ANGPTL2: variants seen among roughly 807,000 people sequenced by gnomAD.
ANGPTL2 encodes the protein angiopoietin-related protein 2.
In ANGPTL2, 25 loss-of-function variants were observed where a neutral mutation model predicts 52.8. The ratio of observed to expected loss-of-function variants is 0.47; its 90% confidence interval spans 0.35 to 0.66. The LOEUF (loss-of-function observed/expected upper bound fraction) is 0.66. Among genes scored for constraint, ANGPTL2 ranks in the 30% least tolerant of loss-of-function variants. The pLI, the probability that ANGPTL2 is intolerant of heterozygous loss-of-function variation, is 0.01. For missense variants in ANGPTL2, 546 were observed against 656.9 expected (o/e 0.83, Z 1.84); for synonymous variants, 276 against 277.4 (o/e 1.00, Z 0.05).
At chr9:127,111,689 C>T (rs751297127) in intron 1 of ANGPTL2, among the ~76,000 whole-genome samples, 2 of 152,164 alleles carry the variant, frequency 1.3e-5, no homozygotes, top group Non-Finnish European at 2.9e-5. Flanking sequence ...TCCAGTTTCC[C>T]GTGTTCTCAT....
intron 2 of ANGPTL2, among the ~76,000 whole-genome samples, chr9:127,096,871 A>T (rs1424730790): frequency 6.6e-6 from 1 of 152,188 alleles, no homozygotes; most frequent in Non-Finnish European, 1.5e-5. Flanking sequence ...CTAGCCACGT[A>T]TTTCCACAGG....
chr9:127,117,951 G>A (rs1215351900), intron 1 of ANGPTL2, among the ~76,000 whole-genome samples: 1 of 152,224 alleles, frequency 6.6e-6, no homozygotes, highest in East Asian at 1.9e-4. Context: ...GGCAGCAGGG[G>A]GTTGCTGAGG....
In ANGPTL2 at chr9:127,108,792, CAG is replaced by C. The variant is rs1252865970; in HGVS notation, c.-49-14_-49-13del. The C allele has an allele frequency of 4.6e-6, 7 of 1,506,906 alleles. No homozygotes were observed. The Admixed American group carries it at 7.5e-5, about 16-fold the overall frequency. The allele number at this position is 1,506,906 out of a possible 1,614,324, so 93.3% of individuals were successfully genotyped here. A position where few individuals can be genotyped will look rare whatever the true frequency, so the allele number is the denominator to read the frequency against. On this transcript the variant is annotated splice_polypyrimidine_tract_variant and intron_variant, in intron 1 of 4. Coordinates refer to ENST00000373425, the MANE Select transcript of ANGPTL2 (RefSeq NM_012098.3). ...GAATCTATGAAAGCCTGAAAGTAAA[CAG>C]AGGGGAGAATCAGTGATGGTCCCAC...
In ANGPTL2 at chr9:127,089,053, G is replaced by GC; in HGVS notation, c.1367dup (p.His457ProfsTer14). On this transcript the variant is annotated frameshift_variant, in exon 5 of 5. Transcript: ENST00000373425. LOFTEE classifies it high-confidence loss of function. ...CGTCCTGGTAGCGGCTCCGGTAATGGCCCCCGCGGTACCAGACCCCGTTGA... is the reference window on the plus strand; with the variant it reads ...CGTCCTGGTAGCGGCTCCGGTAATGGCCCCCCGCGGTACCAGACCCCGTTGA... 6.2e-7 allele frequency: 1 copy of GC among 1,614,182 alleles called. No homozygotes were observed. Among genetic ancestry groups the GC allele is most frequent in the Non-Finnish European group, 8.5e-7 (1 of 1,180,030 alleles).
Position 127,107,947 on chromosome 9 carries a change from G to T in ANGPTL2, c.785C>A (p.Thr262Asn), listed in dbSNP as rs1387878578. 2.6e-6 allele frequency: 4 copies of T among 1,545,152 alleles called. No individual in the cohort carries two copies. Among genetic ancestry groups the T allele is most frequent in the Non-Finnish European group, 3.5e-6 (4 of 1,140,786 alleles). The change falls in exon 2 of 5, where the codon ACC (threonine) becomes AAC (asparagine). Residue 262 changes from threonine (T) to asparagine (N), a missense_variant. Thr to Asn is a moderately conservative substitution (Grantham distance 65). This residue lies in a region of ANGPTL2 where 261 missense variants were observed against 361.0 expected (regional missense o/e 0.72). Coordinates refer to ENST00000373425, the MANE Select transcript of ANGPTL2 (RefSeq NM_012098.3). ...CTTGTCGGTGGAAGATGGGAGGCTG[G>T]TGAGAGTGGGCATAGTGGGCAGAGG... ...PPPLPTMPTL[T>N]SLPSSTDKPS...
intron 1 of ANGPTL2, among the ~76,000 whole-genome samples, chr9:127,114,858 A>G (rs2055231704): frequency 6.6e-6 from 1 of 152,254 alleles, no homozygotes; most frequent in African/African-American, 2.4e-5. Flanking sequence ...CTGAGCATGA[A>G]TCAAGTTTGT....
intron 2 of ANGPTL2, among the ~76,000 whole-genome samples, chr9:127,098,280 G>C (rs2136690659): frequency 6.6e-6 from 1 of 152,350 alleles, no homozygotes; most frequent in Admixed American, 6.5e-5. Context: ...CTTTGGACCA[G>C]TGCAGAGTAC....
At chr9:127,120,617 A>G (rs1361391960) in intron 1 of ANGPTL2, among the ~76,000 whole-genome samples, 1 of 152,140 alleles carries the variant, frequency 6.6e-6, no homozygotes, top group Non-Finnish European at 1.5e-5. Flanking sequence ...AGGTCAGGAG[A>G]TCGAGACCAT....
At chr9:127,092,720 A>G (rs984446341) in intron 3 of ANGPTL2, among the ~76,000 whole-genome samples, 12 of 152,144 alleles carry the variant, frequency 7.9e-5, no homozygotes, top group Non-Finnish European at 1.8e-4. Context: ...CAGGATTTGA[A>G]CCAAGAACCC....
chr9:127,106,518 C>T (rs2054229563), intron 2 of ANGPTL2, among the ~76,000 whole-genome samples: 1 of 152,184 alleles, frequency 6.6e-6, no homozygotes, highest in South Asian at 2.1e-4. Flanking sequence ...TTTAATCTAT[C>T]CTCAATTAAC....
intron 1 of ANGPTL2, among the ~76,000 whole-genome samples, chr9:127,111,443 A>C (rs2054799157): frequency 6.6e-6 from 1 of 152,204 alleles, no homozygotes; most frequent in African/African-American, 2.4e-5. Flanking sequence ...CCTGAAATAC[A>C]TAGGAGCTCA....
chr9:127,108,824 G>GA, intron 1 of ANGPTL2, 44 bp from the exon 2 acceptor site: 1 of 1,336,098 alleles, frequency 7.5e-7, no homozygotes, highest in Non-Finnish European at 1.0e-6. Flanking sequence ...TCCCACCACT[G>GA]TCAGTGCCCT....
intron 1 of ANGPTL2, among the ~76,000 whole-genome samples, chr9:127,114,495 AC>A (rs1253688237): frequency 6.6e-6 from 1 of 152,224 alleles, no homozygotes; most frequent in Non-Finnish European, 1.5e-5. Context: ...AGGCAGGACG[AC>A]GACAGGAGTG....
At chr9:127,103,271 C>T (rs2053909371) in intron 2 of ANGPTL2, among the ~76,000 whole-genome samples, 1 of 152,214 alleles carries the variant, frequency 6.6e-6, no homozygotes, top group Non-Finnish European at 1.5e-5. Context: ...GGAAAACACT[C>T]TTGTTCAAGT....
Position 127,108,287 on chromosome 9 carries a change from G to C in ANGPTL2, c.445C>G (p.Arg149Gly), listed in dbSNP as rs568583240. ...MQLLHEIIRK[R>G]DNALELSQLE... ...TGGGAGAGCTCCAACGCGTTGTCCC[G>C]CTTGCGGATGATCTCGTGCAGGAGC... Residue 149 changes from arginine to glycine, a missense_variant, in exon 2 of 5, where the codon CGG (arginine) becomes GGG (glycine). Arg to Gly is a moderately radical substitution (Grantham distance 125). Coordinates refer to ENST00000373425, the MANE Select transcript of ANGPTL2 (RefSeq NM_012098.3). 2 of 1,613,968 alleles carry C rather than the reference G, an allele frequency of 1.2e-6. No homozygotes were observed. The highest frequency in any genetic ancestry group is 1.7e-6 in the Non-Finnish European group (2 of 1,179,960).
rs139799724 is a variant in ANGPTL2, at chr9:127,108,418, G to A, written c.314C>T (p.Thr105Met). The A allele has an allele frequency of 1.1e-4, 173 of 1,607,948 alleles. No individual in the cohort carries two copies. Among genetic ancestry groups the A allele is most frequent in the Non-Finnish European group, 1.3e-4 (156 of 1,178,526 alleles). Residue 105 changes from threonine to methionine, a missense_variant, in exon 2 of 5, where the codon ACG (threonine) becomes ATG (methionine). This residue lies in a region of ANGPTL2 where 285 missense variants were observed against 295.8 expected (regional missense o/e 0.96). Transcript: ENST00000373425. ...ELLKQKRQIE[T>M]LQQLVEVDGG... ...GTCCACCTCCACCAGCTGCTGCAGC[G>A]TCTCGATCTGCCGCTTCTGCTTGAG... is the stretch of plus-strand genomic sequence containing the variant.
At chr9:127,100,289 A>G (rs1175609835) in intron 2 of ANGPTL2, among the ~76,000 whole-genome samples, 1 of 152,214 alleles carries the variant, frequency 6.6e-6, no homozygotes, top group African/African-American at 2.4e-5. Context: ...GGTCATTTCA[A>G]TGCATGTGAT....
rs1479180733 is a variant in ANGPTL2, at chr9:127,091,123, C to G, written c.1282+547G>C. Among the ~76,000 whole-genome samples, 3 of 152,346 alleles carry G rather than the reference C, an allele frequency of 2.0e-5. No homozygotes were observed. The East Asian group carries it at 5.8e-4, about 29-fold the overall frequency. ...TTTGTATGGAGCCCTCGCTATGTGC[C>G]AAATCCTAGACAAAGCACTTTAGGT... is the stretch of plus-strand genomic sequence containing the variant. On this transcript the variant is annotated intron_variant, in intron 4 of 4. Coordinates refer to ENST00000373425, the MANE Select transcript of ANGPTL2 (RefSeq NM_012098.3). The surrounding 1 kb of genome is among the most constrained non-coding windows in gnomAD (Gnocchi z 4.3).
intron 1 of ANGPTL2, among the ~76,000 whole-genome samples, chr9:127,121,753 C>T (rs892361681): frequency 9.2e-5 from 14 of 152,206 alleles, no homozygotes; most frequent in Admixed American, 3.9e-4. Context: ...CGTCCGTTCC[C>T]GTGCTGGGTG....
Sources: gnomAD v4.1 joint callset for allele counts (sites outside exome capture counted in the v4.1 genomes callset) on GRCh38, gnomAD v4.1.1 for gene constraint, gnomAD v4.1.1 regional missense constraint, Gnocchi (gnomAD v3.1) non-coding constraint, MANE v1.5 for transcripts, NCBI Gene and HGNC (gene_info 2026-07-23, HGNC 2026-07-21) for gene names.